WDR70: variants seen among roughly 807,000 people sequenced by gnomAD.
The protein encoded by WDR70 is WD repeat domain 70.
In WDR70, 53 loss-of-function variants were observed where a neutral mutation model predicts 88.6. That is an observed-to-expected ratio of 0.60 (90% CI 0.48 to 0.75). WDR70 has a LOEUF of 0.75. Among genes scored for constraint, WDR70 ranks in the 30% least tolerant of loss-of-function variants. WDR70 has a pLI of 0.00. For missense variants in WDR70, 610 were observed against 823.2 expected, an observed-to-expected ratio of 0.74 and a Z score of 3.17; for synonymous variants, 280 against 270.0, an observed-to-expected ratio of 1.04 and a Z score of -0.36.
chr5:37,434,299 C>T (rs762038038), intron 5 of WDR70, among the ~76,000 whole-genome samples: 15 of 152,138 alleles, frequency 9.9e-5, no homozygotes, highest in Non-Finnish European at 2.1e-4. Flanking sequence ...GTGGGGATTA[C>T]AATTCAAGAT....
At chr5:37,442,110 T>C (rs1750673838) in intron 6 of WDR70, among the ~76,000 whole-genome samples, 1 of 150,850 alleles carries the variant, frequency 6.6e-6, no homozygotes. Flanking sequence ...CAATCTCAGC[T>C]CATTGCAACC....
At chr5:37,620,750 T>C (rs1281318173) in intron 10 of WDR70, among the ~76,000 whole-genome samples, 1 of 152,206 alleles carries the variant, frequency 6.6e-6, no homozygotes, top group Non-Finnish European at 1.5e-5. Context: ...CAAATATAAT[T>C]TGATCTTTTC....
rs1044631330 is a variant in WDR70 at position 37,516,653 on chromosome 5, G to T, written c.917+63G>T. The T allele has an allele frequency of 1.8e-4, 202 of 1,143,986 alleles. 1 individual carries two copies. The highest frequency in any genetic ancestry group is 2.5e-4 in the Non-Finnish European group (197 of 794,078). 70.9% of individuals were successfully genotyped at this position (1,143,986 alleles called of 1,614,324 possible). A position where few individuals can be genotyped will look rare whatever the true frequency, so the allele number is the denominator to read the frequency against. On this transcript the variant is annotated intron_variant, in intron 9 of 17. Coordinates refer to ENST00000265107, the MANE Select transcript of WDR70 (RefSeq NM_018034.4). ...CTTTAGGTATTTTATTTAACGTTTG[G>T]ATTGTTACAATCTTGGCAGTAATGT...
At chr5:37,557,941 T>TACTCTTCAAGAGTACTCTTTTGAAA (rs1742347522) in intron 9 of WDR70, among the ~76,000 whole-genome samples, 2 of 52,146 alleles carry the variant, frequency 3.8e-5, no homozygotes, top group Admixed American at 2.1e-4. Flanking sequence ...CTCTTTTGAA[T>TACTCTTCAAGAGTACTCTTTTGAAA]ACTCTTCAAA....
chr5:37,677,295 C>T (rs1283123004), intron 10 of WDR70, among the ~76,000 whole-genome samples: 2 of 151,366 alleles, frequency 1.3e-5, no homozygotes, highest in Non-Finnish European at 3.0e-5. Flanking sequence ...TGTGTTTGCT[C>T]TTGCTTTTCT....
In WDR70 at chr5:37,605,197, TGCCA is replaced by T; in HGVS notation, c.1053_1056del (p.Cys351Ter). 1 of 1,612,208 alleles carries T rather than the reference TGCCA, an allele frequency of 6.2e-7. No individual in the cohort carries two copies. The highest frequency in any genetic ancestry group is 8.5e-7 in the Non-Finnish European group (1 of 1,179,090). On this transcript the variant is annotated frameshift_variant, in exon 10 of 18. Coordinates refer to ENST00000265107, the MANE Select transcript of WDR70 (RefSeq NM_018034.4). LOFTEE classifies it high-confidence loss of function. ...AGATGGAAACCTCATAGCAGCTGCC[TGCCA>T]GAATGGAAGCATACAGATCTGGGAC...
chr5:37,683,916 A>G (rs1250795229), intron 10 of WDR70, among the ~76,000 whole-genome samples: 2 of 152,128 alleles, frequency 1.3e-5, no homozygotes, highest in African/African-American at 2.4e-5. Flanking sequence ...GTTCTCATGG[A>G]TGATATCCTG....
At chr5:37,678,774 A>G (rs1195479518) in intron 10 of WDR70, among the ~76,000 whole-genome samples, 5 of 150,760 alleles carry the variant, frequency 3.3e-5, no homozygotes, top group South Asian at 2.1e-4. Context: ...TCTGAATGTT[A>G]GCCTGCCTTG....
chr5:37,660,451 GT>G (rs369987913), intron 10 of WDR70, among the ~76,000 whole-genome samples: 20,539 of 144,588 alleles, frequency 0.14, 2,914 homozygotes, highest in African/African-American at 0.37. Flanking sequence ...TCTCCTTTCA[GT>G]TTTTTTTTTT....
At chr5:37,416,285 G>A (rs1335923748) in intron 5 of WDR70, among the ~76,000 whole-genome samples, 3 of 152,220 alleles carry the variant, frequency 2.0e-5, no homozygotes, top group Non-Finnish European at 2.9e-5. Flanking sequence ...GAGGCTGGCG[G>A]ATCACTCGCT....
intron 10 of WDR70, among the ~76,000 whole-genome samples, chr5:37,625,715 CAT>C (rs1160587142): frequency 6.6e-6 from 1 of 151,512 alleles, no homozygotes; most frequent in Non-Finnish European, 1.5e-5. Context: ...TTTTAGTAGA[CAT>C]GTGGTTTCAC....
intron 10 of WDR70, among the ~76,000 whole-genome samples, chr5:37,624,884 T>C (rs1416870194): frequency 6.6e-6 from 1 of 152,194 alleles, no homozygotes; most frequent in African/African-American, 2.4e-5. Flanking sequence ...CAAGACCCTC[T>C]CTAGAGTGGG....
chr5:37,556,371 C>A (rs1005982855), intron 9 of WDR70, among the ~76,000 whole-genome samples: 1 of 152,112 alleles, frequency 6.6e-6, no homozygotes, highest in Non-Finnish European at 1.5e-5. Context: ...CTGTTTTAGA[C>A]ATGAAATTCT....
At chr5:37,645,686 A>G (rs1745212967) in intron 10 of WDR70, among the ~76,000 whole-genome samples, 1 of 152,044 alleles carries the variant, frequency 6.6e-6, no homozygotes, top group Admixed American at 6.5e-5. Flanking sequence ...TAATTGTTAT[A>G]TCCTCCTGCT....
intron 10 of WDR70, among the ~76,000 whole-genome samples, chr5:37,671,015 A>C (rs1746008877): frequency 6.6e-6 from 1 of 152,170 alleles, no homozygotes; most frequent in Non-Finnish European, 1.5e-5. Flanking sequence ...TTCAGTCTAG[A>C]CCTGGATTTA....
At chr5:37,712,227 G>A (rs895173880) in intron 13 of WDR70, among the ~76,000 whole-genome samples, 5 of 152,020 alleles carry the variant, frequency 3.3e-5, no homozygotes, top group Non-Finnish European at 5.9e-5. Context: ...TCCTGACCTT[G>A]TGATCCACCC....
intron 5 of WDR70, among the ~76,000 whole-genome samples, chr5:37,421,951 G>A (rs1486455516): frequency 6.6e-6 from 1 of 151,782 alleles, no homozygotes; most frequent in African/African-American, 2.4e-5. Context: ...GTGAGAGTGT[G>A]GGAGGGAGGA....
chr5:37,387,099 A>G (rs1376440350), intron 3 of WDR70, among the ~76,000 whole-genome samples: 2 of 75,696 alleles, frequency 2.6e-5, no homozygotes, highest in South Asian at 3.6e-4. Flanking sequence ...AACTCTGTCT[A>G]AAAAAAAAAA....
intron 10 of WDR70, among the ~76,000 whole-genome samples, chr5:37,695,644 A>T (rs976202627): frequency 2.0e-5 from 3 of 152,096 alleles, no homozygotes; most frequent in Non-Finnish European, 4.4e-5. Context: ...AACACTTCTC[A>T]TATCTCAAAT....
Sources: gnomAD v4.1 joint callset for allele counts (sites outside exome capture counted in the v4.1 genomes callset) on GRCh38, gnomAD v4.1.1 for gene constraint, MANE v1.5 for transcripts, NCBI Gene and HGNC (gene_info 2026-07-23, HGNC 2026-07-21) for gene names.